Variants in RGS7 observed in about 807,000 individuals in gnomAD.
RGS7 encodes regulator of G-protein signaling 7.
Under a neutral mutation model 81.1 loss-of-function variants are expected in RGS7, and 27 were observed. That is an observed-to-expected ratio of 0.33 (90% CI 0.25 to 0.46). The LOEUF is 0.46. RGS7 is among the 20% of genes least tolerant of loss of function. The probability of loss-of-function intolerance (pLI) is 1.00; values close to 1 mark genes in which losing one functional copy is unlikely to be tolerated. For synonymous variants in RGS7, 208 were observed against 207.7 expected, an observed-to-expected ratio of 1.00 and a Z score of -0.01; for missense variants, 396 against 607.4, an observed-to-expected ratio of 0.65 and a Z score of 3.66.
chr1:241,304,001 A>G (rs1366977929), intron 2 of RGS7, among the ~76,000 whole-genome samples: 1 of 152,238 alleles, frequency 6.6e-6, no homozygotes, highest in African/African-American at 2.4e-5. Flanking sequence ...CAAAATGATA[A>G]TATTTTGCAT....
At chr1:240,838,473 G>A (rs912302663) in intron 9 of RGS7, among the ~76,000 whole-genome samples, 4 of 152,162 alleles carry the variant, frequency 2.6e-5, no homozygotes. Flanking sequence ...CCTCGGTTTA[G>A]CAAAATCTCT....
chr1:240,967,216 T>G (rs1682453285), intron 4 of RGS7, among the ~76,000 whole-genome samples: 1 of 152,028 alleles, frequency 6.6e-6, no homozygotes, highest in South Asian at 2.1e-4. Context: ...TGGCTAAGAG[T>G]AAAATGAAGA....
At chr1:241,353,745 G>A (rs927364727) in intron 2 of RGS7, among the ~76,000 whole-genome samples, 5 of 152,108 alleles carry the variant, frequency 3.3e-5, no homozygotes, top group Non-Finnish European at 2.9e-5. Context: ...TTTAAAAAAT[G>A]AGGTAGTACA....
At position 241,162,222 on chromosome 1, in the gene RGS7, G is replaced by GCCCCCCCCCCA. The variant is rs68166816; in HGVS notation, c.79-63461_79-63460insTGGGGGGGGGG. ...ATAAAACACCTGAAACTGGTGATCA[G>GCCCCCCCCCCA]CTTCCAAATAAGATCTCAGAAGTTG... On this transcript the variant is annotated intron_variant, in intron 2 of 18. Transcript: ENST00000440928. 5.0e-3 allele frequency among the ~76,000 whole-genome samples: 708 copies of GCCCCCCCCCCA among 142,146 alleles called. 9 individuals carry two copies. Among genetic ancestry groups the GCCCCCCCCCCA allele is most frequent in the African/African-American group, 0.018 (681 of 38,114 alleles). The allele number at this position is 142,146 out of a possible 152,430, so 93.3% of individuals were successfully genotyped here.
chr1:241,220,886 C>CAG (rs1332185239), intron 2 of RGS7, among the ~76,000 whole-genome samples: 33 of 144,102 alleles, frequency 2.3e-4, no homozygotes, highest in Non-Finnish European at 3.8e-4. Context: ...GGGTGACAGA[C>CAG]AGAGAGAGAG....
intron 2 of RGS7, among the ~76,000 whole-genome samples, chr1:241,237,310 C>T (rs750687604): frequency 2.6e-5 from 4 of 152,138 alleles, no homozygotes; most frequent in Non-Finnish European, 5.9e-5. Flanking sequence ...AGGGTCTCAG[C>T]TCACATCCAC....
At chr1:240,896,898 G>T (rs1399756406) in intron 6 of RGS7, among the ~76,000 whole-genome samples, 1 of 152,152 alleles carries the variant, frequency 6.6e-6, no homozygotes. Context: ...TCATGATATT[G>T]ATTCTTCCTA....
At chr1:241,156,861 G>T (rs1443355967) in intron 2 of RGS7, among the ~76,000 whole-genome samples, 1 of 152,092 alleles carries the variant, frequency 6.6e-6, no homozygotes, top group South Asian at 2.1e-4. Flanking sequence ...CTGTGTGGCT[G>T]GGCCTGCATT....
intron 4 of RGS7, 141 bp from the exon 5 acceptor site, chr1:240,936,847 T>C: frequency 1.5e-6 from 1 of 686,724 alleles, no homozygotes; most frequent in South Asian, 1.7e-5. Flanking sequence ...TTCCTTGTTC[T>C]TTGCTCTCGA....
intron 6 of RGS7, among the ~76,000 whole-genome samples, chr1:240,915,933 C>A (rs1034587400): frequency 2.0e-5 from 3 of 151,484 alleles, no homozygotes; most frequent in African/African-American, 7.3e-5. Flanking sequence ...CAAAAGAAAC[C>A]TCCAAACTGA....
chr1:240,862,549 G>A (rs1662404201), intron 9 of RGS7, among the ~76,000 whole-genome samples: 1 of 152,040 alleles, frequency 6.6e-6, no homozygotes, highest in South Asian at 2.1e-4. Flanking sequence ...AGGATCAGGT[G>A]TTACCTGGTT....
intron 3 of RGS7, among the ~76,000 whole-genome samples, chr1:241,023,688 C>T (rs2059651348): frequency 6.6e-6 from 1 of 152,162 alleles, no homozygotes; most frequent in Non-Finnish European, 1.5e-5. Context: ...ATCTTCCTTG[C>T]CTGTTTACAT....
At chr1:241,327,095 A>AG in intron 2 of RGS7, among the ~76,000 whole-genome samples, 2 of 76,086 alleles carry the variant, frequency 2.6e-5, no homozygotes, top group Non-Finnish European at 5.6e-5. Flanking sequence ...AGAAAGAAAG[A>AG]AAGAAAGAAA....
rs184821623 is a variant in RGS7, at chr1:241,177,817, C to T, written c.79-79055G>A. Among the ~76,000 whole-genome samples the T allele has an allele frequency of 1.3e-4, 20 of 152,266 alleles. No homozygotes were observed. In the East Asian group the frequency reaches 3.9e-3, roughly 29 times the overall value. On this transcript the variant is annotated intron_variant, in intron 2 of 18. Transcript: ENST00000440928. ...GAGTGATTAAAGATAATTACTAGGT[C>T]TTAGTCTTAAGCTTAAACAACTGAT...
At chr1:240,827,259 C>A (rs1203109255) in intron 9 of RGS7, 87 bp from the exon 10 acceptor site, 7 of 1,076,452 alleles carry the variant, frequency 6.5e-6, no homozygotes, top group Non-Finnish European at 8.7e-6. Flanking sequence ...CTCTCCAGAG[C>A]CCGAGCAAAT....
At chr1:241,330,417 A>T (rs1239400667) in intron 2 of RGS7, among the ~76,000 whole-genome samples, 5 of 152,244 alleles carry the variant, frequency 3.3e-5, no homozygotes, top group Non-Finnish European at 7.3e-5. Flanking sequence ...AATTAAGTAG[A>T]TTTATGTATA....
chr1:240,987,633 CCT>C (rs1260691757), intron 3 of RGS7, among the ~76,000 whole-genome samples: 2 of 152,046 alleles, frequency 1.3e-5, no homozygotes, highest in East Asian at 3.9e-4. Flanking sequence ...AGCAATTCCC[CCT>C]GTCCCAGCCT....
intron 2 of RGS7, among the ~76,000 whole-genome samples, chr1:241,225,012 A>T (rs553411704): frequency 4.6e-4 from 70 of 152,250 alleles, no homozygotes; most frequent in African/African-American, 1.7e-3. Flanking sequence ...AAAAAATTTT[A>T]TATAAATGTA....
intron 3 of RGS7, among the ~76,000 whole-genome samples, chr1:241,044,788 G>C (rs900691295): frequency 6.6e-6 from 1 of 152,058 alleles, no homozygotes; most frequent in Non-Finnish European, 1.5e-5. Flanking sequence ...CCATAAGCTT[G>C]ATATTTATTT....
Sources: gnomAD v4.1 joint callset for allele counts (sites outside exome capture counted in the v4.1 genomes callset) on GRCh38, gnomAD v4.1.1 for gene constraint, MANE v1.5 for transcripts, NCBI Gene and HGNC (gene_info 2026-07-23, HGNC 2026-07-21) for gene names.